Variants in RIPOR2 observed in about 807,000 individuals in gnomAD.
The protein encoded by RIPOR2 is RHO family interacting cell polarization regulator 2, also known as rho family-interacting cell polarization regulator 2.
Under a neutral mutation model 114.5 loss-of-function variants are expected in RIPOR2, and 39 were observed. The observed-to-expected ratio is 0.34, with a 90% CI of 0.26 to 0.44. The LOEUF is 0.44. RIPOR2 is among the 20% of genes least tolerant of loss of function. The pLI is 1.00. For missense variants in RIPOR2, 1,007 were observed against 1,255.1 expected (o/e 0.80, Z 2.99); for synonymous variants, 445 against 484.4 (o/e 0.92, Z 1.07).
At chr6:24,885,505 T>G (rs1224531903) in intron 1 of RIPOR2, among the ~76,000 whole-genome samples, 1 of 152,192 alleles carries the variant, frequency 6.6e-6, no homozygotes, top group Non-Finnish European at 1.5e-5. Context: ...ATTACAGGTG[T>G]GAGCCACCAT....
chr6:25,029,370 A>C (rs1240614344), intron 1 of RIPOR2, among the ~76,000 whole-genome samples: 1 of 138,646 alleles, frequency 7.2e-6, no homozygotes, highest in African/African-American at 2.7e-5. Flanking sequence ...GCGCCGCTGC[A>C]CTCCAACCTG....
At chr6:24,820,321 G>A (rs1185859166) in intron 19 of RIPOR2, among the ~76,000 whole-genome samples, 2 of 152,172 alleles carry the variant, frequency 1.3e-5, no homozygotes, top group Non-Finnish European at 2.9e-5. Context: ...GTGAGCCACT[G>A]CACACGGCCC....
chr6:24,811,343 C>T (rs6932829), intron 20 of RIPOR2, among the ~76,000 whole-genome samples: 110,833 of 148,460 alleles, frequency 0.75, 43,379 homozygotes, highest in East Asian at 0.88. Flanking sequence ...AAGCGATTCT[C>T]CTGCCTCAGC....
At chr6:24,826,839 G>A (rs1760230490) in intron 18 of RIPOR2, among the ~76,000 whole-genome samples, 1 of 151,624 alleles carries the variant, frequency 6.6e-6, no homozygotes, top group African/African-American at 2.4e-5. Flanking sequence ...ACTGAAAAAT[G>A]CATTCAATTT....
At chr6:24,957,830 G>A (rs1428112689) in intron 1 of RIPOR2, among the ~76,000 whole-genome samples, 4 of 152,170 alleles carry the variant, frequency 2.6e-5, no homozygotes, top group African/African-American at 4.8e-5. Context: ...AGCTGAGATC[G>A]TGCCACTGCA....
chr6:24,985,220 A>G (rs1342753010), intron 1 of RIPOR2, among the ~76,000 whole-genome samples: 1 of 152,170 alleles, frequency 6.6e-6, no homozygotes, highest in African/African-American at 2.4e-5. Flanking sequence ...TAGAAAGGCA[A>G]TTTTGGTGGG....
intron 20 of RIPOR2, among the ~76,000 whole-genome samples, chr6:24,811,657 C>CTTTTTTT (rs1222503239): frequency 4.6e-5 from 1 of 21,730 alleles, no homozygotes; most frequent in African/African-American, 8.4e-5. Flanking sequence ...TCGTTTAGTA[C>CTTTTTTT]TTTTTTTTTT....
In RIPOR2 at chr6:24,873,710, T is replaced by C; in HGVS notation, c.278A>G (p.Asn93Ser). The C allele has an allele frequency of 6.2e-7, 1 of 1,613,486 alleles. No individual in the cohort carries two copies. Among genetic ancestry groups the C allele is most frequent in the South Asian group, 1.1e-5 (1 of 91,040 alleles). The change falls in exon 3 of 22, where the codon AAT becomes AGT. Residue 93 changes from asparagine (N) to serine (S), a missense_variant. By Grantham distance (46) the Asn-to-Ser change is conservative. Coordinates refer to ENST00000643898, the MANE Select transcript of RIPOR2 (RefSeq NM_001286445.3). ...KMHNLGHKNN[N>S]PPKEPQPKRV... Reference sequence around the variant, plus strand: ...TTTAGGCTGAGGCTCTTTGGGGGGATTGTTGTTTTTGTGGCCTAAATTGTG... The same window carrying C: ...TTTAGGCTGAGGCTCTTTGGGGGGACTGTTGTTTTTGTGGCCTAAATTGTG...
chr6:24,949,716 C>T (rs1482163445), intron 1 of RIPOR2, among the ~76,000 whole-genome samples: 1 of 152,218 alleles, frequency 6.6e-6, no homozygotes, highest in African/African-American at 2.4e-5. Flanking sequence ...GGCTCACTAG[C>T]CACCCTGAGG....
chr6:24,839,500 C>G, intron 13 of RIPOR2: 2 of 1,411,432 alleles, frequency 1.4e-6, no homozygotes, highest in Non-Finnish European at 9.6e-7. Flanking sequence ...AGAGGGAAGT[C>G]AGCAGGTTGA....
intron 1 of RIPOR2, among the ~76,000 whole-genome samples, chr6:24,943,076 G>T (rs1772222913): frequency 6.6e-6 from 1 of 152,160 alleles, no homozygotes; most frequent in Non-Finnish European, 1.5e-5. Flanking sequence ...CAGTACCAAA[G>T]ACCTGGAACC....
chr6:24,975,812 A>T (rs1009397982), intron 1 of RIPOR2, among the ~76,000 whole-genome samples: 6 of 152,186 alleles, frequency 3.9e-5, no homozygotes, highest in Admixed American at 3.9e-4. Context: ...ATATTGAAAC[A>T]TCACTTTGTA....
intron 7 of RIPOR2, among the ~76,000 whole-genome samples, chr6:24,862,618 C>G (rs1411389319): frequency 6.6e-6 from 1 of 152,184 alleles, no homozygotes; most frequent in Non-Finnish European, 1.5e-5. Flanking sequence ...AACAAAGCCT[C>G]AGTATTATAA....
chr6:24,977,623 T>G (rs956524478), intron 1 of RIPOR2, among the ~76,000 whole-genome samples: 4 of 152,148 alleles, frequency 2.6e-5, no homozygotes, highest in Non-Finnish European at 5.9e-5. Flanking sequence ...GTTTTGCTAA[T>G]AATCTCGATG....
At chr6:25,021,040 G>T (rs1327849814) in intron 1 of RIPOR2, among the ~76,000 whole-genome samples, 2 of 152,022 alleles carry the variant, frequency 1.3e-5, no homozygotes, top group Non-Finnish European at 2.9e-5. Context: ...TGTATTTTTA[G>T]TAGAGAAGGG....
rs1484356267 is a variant in RIPOR2 at position 24,805,374 on chromosome 6, AAAAT to A, written c.*995_*998del. 6.6e-6 allele frequency: 1 copy of A among 152,024 alleles called. No individual in the cohort carries two copies. Among genetic ancestry groups the A allele is most frequent in the East Asian group, 1.9e-4 (1 of 5,196 alleles). The allele number at this position is 152,024 out of a possible 1,614,324, so 9.4% of individuals were successfully genotyped here. A position where few individuals can be genotyped will look rare whatever the true frequency, so the allele number is the denominator to read the frequency against. On this transcript the variant is annotated 3_prime_UTR_variant, in exon 22 of 22. Transcript: ENST00000643898. ...AATTTTCAGGATGGGGAAAAGAAACAAAATAAATTATGGGAGTTTTTTGTTTTTT... is the reference window on the plus strand; with the variant it reads ...AATTTTCAGGATGGGGAAAAGAAACAAAATTATGGGAGTTTTTTGTTTTTT...
chr6:24,829,471 T>C (rs1760477612), intron 17 of RIPOR2, among the ~76,000 whole-genome samples: 1 of 151,932 alleles, frequency 6.6e-6, no homozygotes, highest in Non-Finnish European at 1.5e-5. Context: ...CTACTAAAAG[T>C]ACAAAAATTG....
chr6:25,035,047 G>T (rs1777174605), intron 1 of RIPOR2, among the ~76,000 whole-genome samples: 1 of 152,138 alleles, frequency 6.6e-6, no homozygotes, highest in South Asian at 2.1e-4. Flanking sequence ...ATGTTTGAAG[G>T]TATATAAATA....
chr6:24,828,712 A>T (rs1760408860), intron 17 of RIPOR2, among the ~76,000 whole-genome samples: 1 of 151,812 alleles, frequency 6.6e-6, no homozygotes, highest in Admixed American at 6.6e-5. Context: ...ATAATGAATA[A>T]ATATTATATA....
Sources: gnomAD v4.1 joint callset for allele counts (sites outside exome capture counted in the v4.1 genomes callset) on GRCh38, gnomAD v4.1.1 for gene constraint, MANE v1.5 for transcripts, NCBI Gene and HGNC (gene_info 2026-07-23, HGNC 2026-07-21) for gene names.